The following USP43 variants were observed in gnomAD, a reference collection of about 807,000 sequenced individuals.
The protein encoded by USP43 is ubiquitin carboxyl-terminal hydrolase 43.
A neutral mutation model predicts 90.7 loss-of-function variants in USP43; 33 were observed. The ratio of observed to expected loss-of-function variants is 0.36; its 90% confidence interval spans 0.28 to 0.49. The LOEUF is 0.49. USP43 is among the 20% of genes least tolerant of loss of function. The pLI is 0.98. For missense variants in USP43, 1,274 were observed against 1,476.4 expected (o/e 0.86, Z 2.25); for synonymous variants, 598 against 615.8 (o/e 0.97, Z 0.43).
chr17:9,656,529 G>A lies in USP43; in HGVS notation c.631G>A (p.Glu211Lys). The A allele has an allele frequency of 5.6e-6, 9 of 1,610,614 alleles. No homozygotes were observed. The highest frequency in any genetic ancestry group is 7.6e-6 in the Non-Finnish European group (9 of 1,178,534). The change falls in exon 2 of 15, where the codon GAG becomes AAG. Residue 211 changes from glutamate (E) to lysine (K), a missense_variant. By Grantham distance (56) the Glu-to-Lys change is moderately conservative. Coordinates refer to ENST00000285199, the MANE Select transcript of USP43 (RefSeq NM_153210.5). ...GGGTTCATCCCGAGGGCCGGTGTCG[G>A]AGAAGGTCGGTCACTCTCAAAACAA... is the stretch of plus-strand genomic sequence containing the variant. The part of the protein sequence containing the change: ...LEGSSRGPVS[E>K]KLPPEATKTS...
At chr17:9,647,739 T>A (rs1252714248) in intron 1 of USP43, 2 of 150,968 alleles carry the variant, frequency 1.3e-5, no homozygotes, top group African/African-American at 4.9e-5. Flanking sequence ...GCGCGGTGGC[T>A]CACGCCTGTA....
chr17:9,687,601 G>T (rs1033677653), intron 8 of USP43, among the ~76,000 whole-genome samples: 1 of 152,144 alleles, frequency 6.6e-6, no homozygotes, highest in African/African-American at 2.4e-5. Context: ...TGACACAGAA[G>T]ATGTTGAAAT....
intron 12 of USP43, among the ~76,000 whole-genome samples, chr17:9,705,862 A>G (rs1349372022): frequency 1.3e-5 from 2 of 152,148 alleles, no homozygotes; most frequent in East Asian, 1.9e-4. Context: ...ATGGAAGTTT[A>G]TTGGCAGGAT....
chr17:9,652,217 A>T (rs1911915483), intron 1 of USP43, among the ~76,000 whole-genome samples: 1 of 150,406 alleles, frequency 6.6e-6, no homozygotes, highest in Admixed American at 6.6e-5. Context: ...TAGCGCAAAA[A>T]AAAAAAAAAA....
rs758792118 is a variant in USP43, at chr17:9,662,820, C to CTTTTT, written c.637-3817_637-3813dup. 8.5e-5 allele frequency among the ~76,000 whole-genome samples: 12 copies of CTTTTT among 140,812 alleles called. 1 individual carries two copies. Among genetic ancestry groups the CTTTTT allele is most frequent in the African/African-American group, 2.6e-4 (10 of 37,874 alleles). 92.4% of individuals were successfully genotyped at this position (140,812 alleles called of 152,430 possible). A position where few individuals can be genotyped will look rare whatever the true frequency, so the allele number is the denominator to read the frequency against. ...TCTAAGTGTTTTGTATATATGATCT[C>CTTTTT]TTTTTTTTTTTTTTTGAGGCAGAGT... On this transcript the variant is annotated intron_variant, in intron 2 of 14. Transcript: ENST00000285199.
rs146839990 is a variant in USP43 at position 9,724,259 on chromosome 17, G to T, written c.2336-3695G>T. 1.0e-3 allele frequency among the ~76,000 whole-genome samples: 154 copies of T among 152,202 alleles called. 3 individuals carry two copies. In the East Asian group the frequency reaches 0.026, roughly 26 times the overall value. On this transcript the variant is annotated intron_variant, in intron 14 of 14. Transcript: ENST00000285199. The stretch of plus-strand genomic sequence containing the variant: ...GGAGATGGAGAAGCTTCAACTCATC[G>T]GTGTAGCTTTTTCTTACCTTAACGG...
intron 3 of USP43, among the ~76,000 whole-genome samples, chr17:9,671,812 T>G (rs994650245): frequency 3.7e-4 from 56 of 152,156 alleles, no homozygotes; most frequent in Non-Finnish European, 2.6e-4. Context: ...TCAGGCCACA[T>G]AGGGGTATTG....
At position 9,716,104 on chromosome 17, in the gene USP43, T is replaced by TTC. The variant is rs371476102; in HGVS notation, c.2335+3973_2335+3974insCT. On this transcript the variant is annotated intron_variant, in intron 14 of 14. Coordinates refer to ENST00000285199, the MANE Select transcript of USP43 (RefSeq NM_153210.5). ...TGCCTGTATGTCTGTGTGTGTGTGTTTGTGTGTCTTTGTGTGAGTGTGTGA... is the reference window on the plus strand; with the variant it reads ...TGCCTGTATGTCTGTGTGTGTGTGTTTCTGTGTGTCTTTGTGTGAGTGTGTGA... Among the ~76,000 whole-genome samples the TTC allele has an allele frequency of 2.0e-5, 3 of 151,182 alleles. No individual in the cohort carries two copies. In the East Asian group the frequency reaches 5.8e-4, roughly 29 times the overall value.
At chr17:9,693,018 C>T in intron 8 of USP43, 109 bp from the exon 9 acceptor site, 2 of 850,488 alleles carry the variant, frequency 2.4e-6, no homozygotes, top group Non-Finnish European at 3.7e-6. Flanking sequence ...ATTCAAAATA[C>T]ACTATGGAAA....
chr17:9,683,920 G>A (rs763516099), intron 7 of USP43, among the ~76,000 whole-genome samples: 12 of 152,302 alleles, frequency 7.9e-5, no homozygotes, highest in Non-Finnish European at 1.0e-4. Context: ...GGTGGATCAT[G>A]AGGTCAGGAG....
intron 9 of USP43, among the ~76,000 whole-genome samples, chr17:9,696,203 G>A (rs542094687): frequency 8.4e-4 from 127 of 151,796 alleles, no homozygotes; most frequent in East Asian, 5.8e-4. Context: ...GCACAATCTC[G>A]GCTCACTGCA....
chr17:9,728,620 C>A lies in USP43; in HGVS notation c.3002C>A (p.Ser1001Tyr), dbSNP rs1283701536. 1 of 1,613,706 alleles carries A rather than the reference C, an allele frequency of 6.2e-7. No homozygotes were observed. Among genetic ancestry groups the A allele is most frequent in the Non-Finnish European group, 8.5e-7 (1 of 1,179,790 alleles). ...PLQGTLTLLRSVFRKKENRRN... is the reference protein window; with the variant it reads ...PLQGTLTLLRYVFRKKENRRN... The stretch of plus-strand genomic sequence containing the variant: ...CAGGGGACACTCACCCTTCTGAGGT[C>A]CGTGTTTCGGAAGAAGGAGAACAGG... Residue 1001 changes from serine (S) to tyrosine (Y), a missense_variant, in exon 15 of 15, where the codon TCC becomes TAC. Physicochemically the swap from Ser to Tyr is moderately radical, Grantham distance 144 (BLOSUM62 -2). This residue lies in a region of USP43 where 353 missense variants were observed against 329.7 expected (regional missense o/e 1.07). Coordinates refer to ENST00000285199, the MANE Select transcript of USP43 (RefSeq NM_153210.5). The surrounding 1 kb of genome is among the most constrained non-coding windows in gnomAD (Gnocchi z 6.2).
chr17:9,656,448 C>T lies in USP43; in HGVS notation c.550C>T (p.His184Tyr), dbSNP rs1912251526. 6.2e-7 allele frequency: 1 copy of T among 1,610,602 alleles called. No homozygotes were observed. Among genetic ancestry groups the T allele is most frequent in the African/African-American group, 1.3e-5 (1 of 74,894 alleles). ...YGSQFQGNSQ[H>Y]DALEFLLWLL... The stretch of plus-strand genomic sequence containing the variant: ...CTCTCAGTTCCAAGGCAATTCCCAG[C>T]ACGACGCCCTGGAATTCCTGCTCTG... The change falls in exon 2 of 15, where the codon CAC (histidine) becomes TAC (tyrosine). Residue 184 changes from histidine to tyrosine, a missense_variant. Around this residue, in one of 6 missense-constraint regions of USP43, gnomAD observed 259 missense variants for 373.7 expected, o/e 0.69. Coordinates refer to ENST00000285199, the MANE Select transcript of USP43 (RefSeq NM_153210.5).
At chr17:9,659,610 G>C (rs1912510901) in intron 2 of USP43, among the ~76,000 whole-genome samples, 1 of 152,010 alleles carries the variant, frequency 6.6e-6, no homozygotes, top group African/African-American at 2.4e-5. Context: ...TCCTCTCCCT[G>C]GCTGTACCAG....
chr17:9,693,458 G>A (rs774521377), intron 9 of USP43, among the ~76,000 whole-genome samples: 3 of 152,118 alleles, frequency 2.0e-5, no homozygotes, highest in East Asian at 1.9e-4. Flanking sequence ...GGACACCAAC[G>A]TTCTCAGAGG....
chr17:9,725,682 T>C (rs1186228154), intron 14 of USP43, among the ~76,000 whole-genome samples: 2 of 152,192 alleles, frequency 1.3e-5, no homozygotes, highest in Non-Finnish European at 2.9e-5. Context: ...GTGGTTCCCA[T>C]GAAATGTAGC....
chr17:9,645,693 C>A lies in USP43; in HGVS notation c.61C>A (p.Arg21Ser). 2 of 1,299,574 alleles carry A rather than the reference C, an allele frequency of 1.5e-6. No individual in the cohort carries two copies. Among genetic ancestry groups the A allele is most frequent in the Non-Finnish European group, 1.9e-6 (2 of 1,030,358 alleles). The allele number at this position is 1,299,574 out of a possible 1,614,324, so 80.5% of individuals were successfully genotyped here. ...GGPLAPRPRR[R>S]RSLRRLFSRF... ...ACCGCTCGCGCCCCGGCCCCGCCGCCGCCGCTCCCTGCGCCGCCTGTTCAG... is the reference window on the plus strand; with the variant it reads ...ACCGCTCGCGCCCCGGCCCCGCCGCAGCCGCTCCCTGCGCCGCCTGTTCAG... The change falls in exon 1 of 15, where the codon CGC becomes AGC. Residue 21 changes from arginine to serine, a missense_variant. Physicochemically the swap from Arg to Ser is moderately radical, Grantham distance 110. Transcript: ENST00000285199. The surrounding 1 kb of genome is among the most constrained non-coding windows in gnomAD (Gnocchi z 6.8).
rs1347954963 is a variant in USP43 at position 9,728,779 on chromosome 17, G to C, written c.3161G>C (p.Gly1054Ala). 6.2e-7 allele frequency: 1 copy of C among 1,608,874 alleles called. No individual in the cohort carries two copies. Among genetic ancestry groups the C allele is most frequent in the South Asian group, 1.1e-5 (1 of 90,646 alleles). Reference sequence around the variant, plus strand: ...AGGATCCCAGAGGGCCTGGCCAGGGGCCTGGGCAGCCGGCTCGAGAGGGAT... The same window carrying C: ...AGGATCCCAGAGGGCCTGGCCAGGGCCCTGGGCAGCCGGCTCGAGAGGGAT... ...ALRIPEGLAR[G>A]LGSRLERDVW... The change falls in exon 15 of 15, where the codon GGC (glycine) becomes GCC (alanine). Residue 1054 changes from glycine (G) to alanine (A), a missense_variant. By Grantham distance (60) the Gly-to-Ala change is moderately conservative. Around this residue, in one of 6 missense-constraint regions of USP43, gnomAD observed 353 missense variants for 329.7 expected, o/e 1.07. Transcript: ENST00000285199. The surrounding 1 kb of genome is among the most constrained non-coding windows in gnomAD (Gnocchi z 6.2).
intron 14 of USP43, among the ~76,000 whole-genome samples, chr17:9,725,512 C>G (rs980857772): frequency 6.6e-6 from 1 of 152,166 alleles, no homozygotes; most frequent in Non-Finnish European, 1.5e-5. Context: ...GCCTCTTATT[C>G]CCTTCTGTTC....
Sources: gnomAD v4.1 joint callset for allele counts (sites outside exome capture counted in the v4.1 genomes callset) on GRCh38, gnomAD v4.1.1 for gene constraint, gnomAD v4.1.1 regional missense constraint, Gnocchi (gnomAD v3.1) non-coding constraint, MANE v1.5 for transcripts, NCBI Gene and HGNC (gene_info 2026-07-23, HGNC 2026-07-21) for gene names.